COBLL1: variants seen among roughly 807,000 people sequenced by gnomAD.
COBLL1 encodes the protein cordon-bleu WH2 repeat protein like 1.
Under a neutral mutation model 94.8 loss-of-function variants are expected in COBLL1, and 50 were observed. The ratio of observed to expected loss-of-function variants is 0.53; its 90% CI spans 0.42 to 0.67. The LOEUF (loss-of-function observed/expected upper bound fraction) is 0.67. Among genes scored for constraint, COBLL1 ranks in the 30% least tolerant of loss-of-function variants. COBLL1 has a pLI of 0.00. For synonymous variants in COBLL1, 448 were observed against 473.8 expected, an observed-to-expected ratio of 0.95 and a Z score of 0.71; for missense variants, 1,362 against 1,348.7, an observed-to-expected ratio of 1.01 and a Z score of -0.15.
At chr2:164,779,389 T>C (rs1265842013) in intron 2 of COBLL1, among the ~76,000 whole-genome samples, 2 of 152,134 alleles carry the variant, frequency 1.3e-5, no homozygotes, top group Non-Finnish European at 2.9e-5. Context: ...CCCAGTCTTC[T>C]ATTTTCCCGA....
Position 164,841,330 on chromosome 2 carries a change from G to A in COBLL1, c.-50-84C>T. ...GAAGCTGGCTGAGCGTCAAGAGCCC[G>A]CCCGAGCCGCTCCAGCCCCGGCCGG... On this transcript the variant is annotated intron_variant, in intron 1 of 13. Coordinates refer to ENST00000652658, the MANE Select transcript of COBLL1 (RefSeq NM_001365672.2). This position sits in a 1 kb window ranked among gnomAD's most constrained non-coding sequence, Gnocchi z 5.5. 1 of 1,205,226 alleles carries A rather than the reference G, an allele frequency of 8.3e-7. No individual in the cohort carries two copies. The highest frequency in any genetic ancestry group is 1.0e-6 in the Non-Finnish European group (1 of 970,896). The allele number at this position is 1,205,226 out of a possible 1,614,324, so 74.7% of individuals were successfully genotyped here. A position where few individuals can be genotyped will look rare whatever the true frequency, so the allele number is the denominator to read the frequency against.
intron 2 of COBLL1, chr2:164,779,896 T>C: frequency 3.3e-6 from 1 of 306,162 alleles, no homozygotes; most frequent in East Asian, 7.7e-5. Flanking sequence ...CCTCCATCTA[T>C]GGGAATGTTC....
At chr2:164,674,509 C>T (rs1691303845) in intron 1 of COBLL1, among the ~76,000 whole-genome samples, 1 of 152,120 alleles carries the variant, frequency 6.6e-6, no homozygotes, top group African/African-American at 2.4e-5. Context: ...TCTTGGATAA[C>T]TTGTTCCTCA....
chr2:164,699,633 A>C, intron 10 of COBLL1, 134 bp from the exon 11 acceptor site: 1 of 529,674 alleles, frequency 1.9e-6, no homozygotes, highest in Non-Finnish European at 3.4e-6. Flanking sequence ...ATAATCATTT[A>C]TTTCTGCCAA....
chr2:164,802,526 G>A (rs1404319164), intron 2 of COBLL1, among the ~76,000 whole-genome samples: 1 of 126,658 alleles, frequency 7.9e-6, no homozygotes, highest in African/African-American at 3.3e-5. Context: ...GAGGGATTTT[G>A]CTGAAATCAA....
intron 3 of COBLL1, among the ~76,000 whole-genome samples, chr2:164,733,074 A>AACAAC (rs1232186228): frequency 6.6e-6 from 1 of 152,140 alleles, no homozygotes; most frequent in East Asian, 1.9e-4. Flanking sequence ...AACAAAACAA[A>AACAAC]ACACAAAACA....
chr2:164,778,875 T>C (rs1019428910), intron 2 of COBLL1, among the ~76,000 whole-genome samples: 1 of 152,052 alleles, frequency 6.6e-6, no homozygotes, highest in Non-Finnish European at 1.5e-5. Flanking sequence ...CAAAATTTAG[T>C]GACCGAGTCA....
chr2:164,743,944 AT>A, intron 2 of COBLL1, 69 bp from the exon 3 acceptor site: 1 of 1,131,556 alleles, frequency 8.8e-7, no homozygotes, highest in Non-Finnish European at 1.2e-6. Context: ...AATATGATGT[AT>A]TTTTATAAAT....
intron 1 of COBLL1, among the ~76,000 whole-genome samples, chr2:164,669,828 T>C (rs7592412): frequency 0.42 from 64,129 of 152,134 alleles, 15,757 homozygotes; most frequent in African/African-American, 0.69. Flanking sequence ...GTTTCTTATA[T>C]GTCTGTTGTA....
intron 2 of COBLL1, among the ~76,000 whole-genome samples, chr2:164,784,953 T>C (rs1213442369): frequency 6.6e-6 from 1 of 152,022 alleles, no homozygotes; most frequent in African/African-American, 2.4e-5. Context: ...TAATGAGAGA[T>C]GTTTAGGTCA....
At chr2:164,690,894 G>T (rs575141663) in intron 13 of COBLL1, among the ~76,000 whole-genome samples, 2 of 152,200 alleles carry the variant, frequency 1.3e-5, no homozygotes, top group East Asian at 3.9e-4. Context: ...AAAACTTTTC[G>T]TGAGGTTGTG....
intron 2 of COBLL1, among the ~76,000 whole-genome samples, chr2:164,830,504 T>C (rs1683027655): frequency 6.6e-6 from 1 of 152,186 alleles, no homozygotes; most frequent in Non-Finnish European, 1.5e-5. Flanking sequence ...CACATATATA[T>C]ACGAATCTTG....
chr2:164,816,849 C>A (rs1241299207), intron 2 of COBLL1, among the ~76,000 whole-genome samples: 1 of 152,092 alleles, frequency 6.6e-6, no homozygotes, highest in Non-Finnish European at 1.5e-5. Flanking sequence ...GGTCTCAAGG[C>A]ACTTTGTACC....
chr2:164,717,863 G>A (rs1172387190), intron 7 of COBLL1, among the ~76,000 whole-genome samples: 2 of 152,092 alleles, frequency 1.3e-5, no homozygotes, highest in Non-Finnish European at 2.9e-5. Flanking sequence ...TCAAGCCTGG[G>A]CTATAAACAA....
chr2:164,824,499 C>T (rs143542044), intron 2 of COBLL1, among the ~76,000 whole-genome samples: 17 of 151,930 alleles, frequency 1.1e-4, no homozygotes, highest in African/African-American at 2.7e-4. Flanking sequence ...ATTGGGAAAG[C>T]GTTACTTATT....
chr2:164,695,156 T>G lies in COBLL1; in HGVS notation c.2236A>C (p.Lys746Gln), dbSNP rs772093921. 49 of 1,613,882 alleles carry G rather than the reference T, an allele frequency of 3.0e-5. No individual in the cohort carries two copies. Among genetic ancestry groups the G allele is most frequent in the Middle Eastern group, 1.6e-4 (1 of 6,082 alleles). ...IVPPKSLEIS[K>Q]DWQSETIEYK... ...TCTATGGTTTCTGATTGCCAGTCTTTCGATATTTCCAAGGATTTGGGAGGC... is the reference window on the plus strand; with the variant it reads ...TCTATGGTTTCTGATTGCCAGTCTTGCGATATTTCCAAGGATTTGGGAGGC... The change falls in exon 12 of 14, where the codon AAA (lysine) becomes CAA (glutamine). Residue 746 changes from lysine to glutamine, a missense_variant. Transcript: ENST00000652658.
At chr2:164,799,659 T>C (rs977428290) in intron 2 of COBLL1, among the ~76,000 whole-genome samples, 5 of 152,094 alleles carry the variant, frequency 3.3e-5, no homozygotes, top group African/African-American at 9.7e-5. Context: ...CAAAAAAGAA[T>C]AGCAAGCTGG....
chr2:164,818,867 C>T (rs1026874112), intron 2 of COBLL1, among the ~76,000 whole-genome samples: 1 of 151,472 alleles, frequency 6.6e-6, no homozygotes, highest in African/African-American at 2.4e-5. Context: ...CTACTGGGCT[C>T]AAACAATCCT....
intron 7 of COBLL1, among the ~76,000 whole-genome samples, chr2:164,713,863 TG>T (rs1287680084): frequency 2.0e-5 from 3 of 152,156 alleles, no homozygotes; most frequent in Non-Finnish European, 4.4e-5. Flanking sequence ...TCGTTAACGT[TG>T]ATCAAACCAA....
Sources: allele counts gnomAD v4.1 joint callset (sites outside exome capture counted in the v4.1 genomes callset), GRCh38; gene constraint gnomAD v4.1.1; non-coding constraint Gnocchi (gnomAD v3.1); transcripts MANE v1.5; gene names NCBI Gene and HGNC (gene_info 2026-07-23, HGNC 2026-07-21).